The following NXPH1 variants were observed in gnomAD, a reference collection of about 807,000 sequenced individuals.
NXPH1 encodes neurexophilin 1.
In NXPH1, 5 loss-of-function variants were observed where a neutral mutation model predicts 23.7. That is an observed-to-expected ratio of 0.21 (90% CI 0.11 to 0.44). The LOEUF is 0.44. Ranked by LOEUF, NXPH1 falls within the 20% of genes least tolerant of loss-of-function variation. NXPH1 has a pLI of 0.99. For missense variants in NXPH1, 324 were observed against 321.6 expected (o/e 1.01, Z -0.06); for synonymous variants, 144 against 122.2 (o/e 1.18, Z -1.18).
intron 2 of NXPH1, among the ~76,000 whole-genome samples, chr7:8,705,004 T>C (rs1293031338): frequency 1.3e-5 from 2 of 152,092 alleles, no homozygotes; most frequent in Non-Finnish European, 2.9e-5. Context: ...GCCCAAAATA[T>C]ATAGGGATTA....
chr7:8,667,316 A>T (rs1820787543), intron 2 of NXPH1, among the ~76,000 whole-genome samples: 1 of 151,886 alleles, frequency 6.6e-6, no homozygotes, highest in South Asian at 2.1e-4. Context: ...ATTTTTTTTC[A>T]GCTTGAAGAA....
At chr7:8,518,939 A>G (rs549474435) in intron 2 of NXPH1, among the ~76,000 whole-genome samples, 13 of 151,716 alleles carry the variant, frequency 8.6e-5, no homozygotes, top group Non-Finnish European at 1.5e-4. Flanking sequence ...TTTTCTCCCC[A>G]AAGGCTGGAG....
chr7:8,470,996 T>A (rs772285496), intron 2 of NXPH1, among the ~76,000 whole-genome samples: 1 of 152,068 alleles, frequency 6.6e-6, no homozygotes, highest in Non-Finnish European at 1.5e-5. Flanking sequence ...ACAGGAAAAG[T>A]GAACAGCTAA....
chr7:8,729,160 G>A (rs1583249566), intron 2 of NXPH1, among the ~76,000 whole-genome samples: 1 of 151,616 alleles, frequency 6.6e-6, no homozygotes, highest in Middle Eastern at 3.4e-3. Context: ...ATGGTAGTTT[G>A]TATTTCTGTG....
At chr7:8,698,430 C>A (rs1779569501) in intron 2 of NXPH1, among the ~76,000 whole-genome samples, 4 of 152,060 alleles carry the variant, frequency 2.6e-5, no homozygotes. Context: ...ATGGTAATGC[C>A]ACCCCTGGTA....
intron 2 of NXPH1, among the ~76,000 whole-genome samples, chr7:8,602,837 G>C (rs1371607337): frequency 2.0e-5 from 3 of 151,976 alleles, no homozygotes; most frequent in Non-Finnish European, 4.4e-5. Context: ...ACTTACCCTT[G>C]TGTCTTTTTT....
At chr7:8,657,938 T>C (rs113343070) in intron 2 of NXPH1, among the ~76,000 whole-genome samples, 7,230 of 152,176 alleles carry the variant, frequency 0.048, 355 homozygotes, top group East Asian at 0.16. Context: ...TGAAGTAGCA[T>C]AATTGCTTGA....
intron 2 of NXPH1, among the ~76,000 whole-genome samples, chr7:8,586,717 T>A (rs1439018848): frequency 1.3e-5 from 2 of 151,944 alleles, no homozygotes; most frequent in African/African-American, 2.4e-5. Flanking sequence ...ATAAAAGTAG[T>A]GATTTTCAAA....
At chr7:8,698,532 C>T (rs1007377804) in intron 2 of NXPH1, among the ~76,000 whole-genome samples, 1 of 152,074 alleles carries the variant, frequency 6.6e-6, no homozygotes, top group Non-Finnish European at 1.5e-5. Flanking sequence ...GTATAAGCAA[C>T]TGATTTCAAC....
intron 2 of NXPH1, among the ~76,000 whole-genome samples, chr7:8,622,017 C>T (rs904826872): frequency 1.3e-5 from 2 of 152,078 alleles, no homozygotes; most frequent in African/African-American, 4.8e-5. Flanking sequence ...TGGTCCTCTG[C>T]ACATTTCGGT....
At chr7:8,744,611 C>T (rs1259053894) in intron 2 of NXPH1, among the ~76,000 whole-genome samples, 2 of 152,290 alleles carry the variant, frequency 1.3e-5, no homozygotes, top group East Asian at 3.9e-4. Context: ...CTCATGTCTC[C>T]AGACCTTCAG....
intron 2 of NXPH1, among the ~76,000 whole-genome samples, chr7:8,657,990 T>G (rs1820608453): frequency 6.6e-6 from 1 of 152,204 alleles, no homozygotes; most frequent in Non-Finnish European, 1.5e-5. Context: ...ATCGTGCCAC[T>G]GCACTCCAGC....
chr7:8,560,015 T>G (rs1261094673), intron 2 of NXPH1, among the ~76,000 whole-genome samples: 1 of 151,706 alleles, frequency 6.6e-6, no homozygotes, highest in Non-Finnish European at 1.5e-5. Context: ...TTTGCCGTCT[T>G]TAGGCATTAT....
chr7:8,579,193 G>C (rs1818815572), intron 2 of NXPH1, among the ~76,000 whole-genome samples: 1 of 152,098 alleles, frequency 6.6e-6, no homozygotes, highest in African/African-American at 2.4e-5. Context: ...TTCTTTATTA[G>C]AGTATCCTTG....
At chr7:8,443,415 T>C (rs955920202) in intron 2 of NXPH1, among the ~76,000 whole-genome samples, 5 of 152,296 alleles carry the variant, frequency 3.3e-5, no homozygotes, top group South Asian at 2.1e-4. Context: ...TGTAAAAGTC[T>C]CAACTGACAG....
intron 2 of NXPH1, among the ~76,000 whole-genome samples, chr7:8,568,464 G>C (rs897458838): frequency 6.6e-6 from 1 of 151,706 alleles, no homozygotes; most frequent in Non-Finnish European, 1.5e-5. Flanking sequence ...GCTGTATTTT[G>C]TATGTAAACT....
intron 2 of NXPH1, among the ~76,000 whole-genome samples, chr7:8,446,554 A>G (rs1816406980): frequency 6.6e-6 from 1 of 152,242 alleles, no homozygotes; most frequent in Non-Finnish European, 1.5e-5. Context: ...TGATTTTAGC[A>G]TCAAACATAA....
chr7:8,519,533 A>G (rs1261397636), intron 2 of NXPH1, among the ~76,000 whole-genome samples: 1 of 152,230 alleles, frequency 6.6e-6, no homozygotes, highest in Non-Finnish European at 1.5e-5. Flanking sequence ...GGACTAGGTT[A>G]TACAAGGAAA....
intron 2 of NXPH1, among the ~76,000 whole-genome samples, chr7:8,579,189 ATT>A (rs1818815513): frequency 6.6e-6 from 1 of 152,124 alleles, no homozygotes; most frequent in Non-Finnish European, 1.5e-5. Context: ...CTATTTCTTT[ATT>A]AGAGTATCCT....
Sources: gnomAD v4.1 joint callset for allele counts (sites outside exome capture counted in the v4.1 genomes callset) on GRCh38, gnomAD v4.1.1 for gene constraint, MANE v1.5 for transcripts, NCBI Gene and HGNC (gene_info 2026-07-23, HGNC 2026-07-21) for gene names.